Variants in GRIK3 observed in about 807,000 individuals in gnomAD.
GRIK3 encodes the protein glutamate ionotropic receptor kainate type subunit 3.
A neutral mutation model predicts 102.5 loss-of-function variants in GRIK3; 29 were observed. The observed-to-expected ratio is 0.28, with a 90% CI of 0.21 to 0.39. The LOEUF (loss-of-function observed/expected upper bound fraction) is 0.39. Among genes scored for constraint, GRIK3 ranks in the 10% least tolerant of loss-of-function variants. The pLI is 1.00. For synonymous variants in GRIK3, 511 were observed against 504.9 expected (o/e 1.01, Z -0.16); for missense variants, 908 against 1,252.4 (o/e 0.73, Z 4.15).
chr1:36,834,131 T>C (rs1044757871), intron 10 of GRIK3, among the ~76,000 whole-genome samples: 3 of 152,234 alleles, frequency 2.0e-5, no homozygotes. Flanking sequence ...CACTAGAATG[T>C]AGGATCTTGA....
chr1:36,846,008 G>A (rs896352837), intron 9 of GRIK3, among the ~76,000 whole-genome samples: 17 of 152,198 alleles, frequency 1.1e-4, no homozygotes, highest in African/African-American at 2.9e-4. Context: ...CCACACACCC[G>A]CACGCATGCC....
At chr1:36,971,528 C>T (rs1316401385) in intron 1 of GRIK3, among the ~76,000 whole-genome samples, 1 of 152,148 alleles carries the variant, frequency 6.6e-6, no homozygotes, top group African/African-American at 2.4e-5. Context: ...CAAGAGAATC[C>T]AGAGTCTAAG....
At chr1:36,991,339 A>C (rs913729884) in intron 1 of GRIK3, among the ~76,000 whole-genome samples, 7 of 152,110 alleles carry the variant, frequency 4.6e-5, no homozygotes, top group African/African-American at 1.4e-4. Context: ...TATGACCCTA[A>C]AGGGGCCACA....
At chr1:37,029,662 G>A (rs1642800159) in intron 1 of GRIK3, among the ~76,000 whole-genome samples, 2 of 152,250 alleles carry the variant, frequency 1.3e-5, no homozygotes, top group African/African-American at 4.8e-5. Flanking sequence ...GGGGGCATCT[G>A]TGCTTCCTCC....
At chr1:36,839,841 C>A (rs1478829303) in intron 10 of GRIK3, among the ~76,000 whole-genome samples, 6 of 152,184 alleles carry the variant, frequency 3.9e-5, no homozygotes, top group Non-Finnish European at 5.9e-5. Context: ...CTCCACTGGG[C>A]CAGGCTCCAG....
chr1:36,835,235 C>T (rs754866618), intron 10 of GRIK3, among the ~76,000 whole-genome samples: 1 of 152,226 alleles, frequency 6.6e-6, no homozygotes, highest in Non-Finnish European at 1.5e-5. Context: ...TCCAATCTGA[C>T]AGCATCTCAA....
At chr1:36,802,095 C>T in intron 15 of GRIK3, 50 bp from the exon 16 acceptor site, 1 of 1,371,414 alleles carries the variant, frequency 7.3e-7, no homozygotes, top group Non-Finnish European at 1.0e-6. Context: ...AGAGTGATGC[C>T]CGGTCTTGCA....
At chr1:37,009,909 G>C (rs912749199) in intron 1 of GRIK3, among the ~76,000 whole-genome samples, 1 of 152,120 alleles carries the variant, frequency 6.6e-6, no homozygotes, top group Admixed American at 6.5e-5. Context: ...GAGCTTGGAG[G>C]GGGTGGCCTA....
rs553239373 is a variant in GRIK3, at chr1:36,808,553, G to A, written c.2092-2227C>T. 5.3e-5 allele frequency among the ~76,000 whole-genome samples: 8 copies of A among 152,350 alleles called. No individual in the cohort carries two copies. In the South Asian group the frequency reaches 1.7e-3, roughly 32 times the overall value. On this transcript the variant is annotated intron_variant, in intron 13 of 15. Coordinates refer to ENST00000373091, the MANE Select transcript of GRIK3 (RefSeq NM_000831.4). ...GAGGGCAGCCTCTGGCCAGCTATCA[G>A]TGAAAAACTGAAGCCCTTAGTTCAG...
At chr1:36,990,642 T>C (rs570421053) in intron 1 of GRIK3, among the ~76,000 whole-genome samples, 1 of 152,266 alleles carries the variant, frequency 6.6e-6, no homozygotes, top group East Asian at 1.9e-4. Context: ...TAAAACTTAT[T>C]CTATTTCTGA....
At chr1:36,885,355 T>C (rs1210822786) in intron 2 of GRIK3, among the ~76,000 whole-genome samples, 1 of 152,054 alleles carries the variant, frequency 6.6e-6, no homozygotes, top group Non-Finnish European at 1.5e-5. Context: ...ATGATGAAGA[T>C]GTTGCTGTCA....
At chr1:37,028,572 G>C (rs1403591044) in intron 1 of GRIK3, among the ~76,000 whole-genome samples, 1 of 152,194 alleles carries the variant, frequency 6.6e-6, no homozygotes, top group Non-Finnish European at 1.5e-5. Flanking sequence ...GTAGAGCCCA[G>C]ATGGCCATCC....
chr1:36,847,813 CTG>C (rs1476375621), intron 9 of GRIK3, among the ~76,000 whole-genome samples: 1 of 152,226 alleles, frequency 6.6e-6, no homozygotes, highest in Non-Finnish European at 1.5e-5. Flanking sequence ...GATCATCAAA[CTG>C]TTCTTTCCTC....
chr1:37,002,735 G>C (rs987732624), intron 1 of GRIK3, among the ~76,000 whole-genome samples: 17 of 150,080 alleles, frequency 1.1e-4, no homozygotes, highest in Admixed American at 2.0e-4. Flanking sequence ...CTGGAGTGCA[G>C]GGACACAATC....
intron 3 of GRIK3, among the ~76,000 whole-genome samples, chr1:36,877,819 C>T (rs1465102136): frequency 6.6e-6 from 1 of 152,206 alleles, no homozygotes; most frequent in East Asian, 1.9e-4. Context: ...TCAGCTCAGA[C>T]CAGCCAAGGC....
At chr1:36,982,287 T>G (rs896847841) in intron 1 of GRIK3, among the ~76,000 whole-genome samples, 2 of 152,182 alleles carry the variant, frequency 1.3e-5, no homozygotes, top group African/African-American at 4.8e-5. Context: ...AAAGGTGCTG[T>G]GGCTGTGGTC....
rs113882175 is a variant in GRIK3 at position 36,888,096 on chromosome 1, C to T, written c.292+2824G>A. On this transcript the variant is annotated intron_variant, in intron 2 of 15. Transcript: ENST00000373091. ...GTGCATCACAAGACATCTACATGAA[C>T]GTCCACAGCAGGAATGCAGGTAATA... is the stretch of plus-strand genomic sequence containing the variant. Among the ~76,000 whole-genome samples, 292 of 152,134 alleles carry T rather than the reference C, an allele frequency of 1.9e-3. 3 individuals are homozygous for T. The Middle Eastern group carries it at 0.034, about 18-fold the overall frequency.
At chr1:36,908,778 G>GGGGTGTGTGT (rs1641312861) in intron 1 of GRIK3, among the ~76,000 whole-genome samples, 1 of 147,004 alleles carries the variant, frequency 6.8e-6, no homozygotes, top group African/African-American at 2.5e-5. Flanking sequence ...AATGGGATAG[G>GGGGTGTGTGT]GTGTGTGTGT....
chr1:36,859,462 C>A (rs1339047778), intron 6 of GRIK3, among the ~76,000 whole-genome samples: 3 of 152,194 alleles, frequency 2.0e-5, no homozygotes, highest in East Asian at 1.9e-4. Flanking sequence ...TGAGCACCCC[C>A]CTCTGCAGCT....
Sources: allele counts gnomAD v4.1 joint callset (sites outside exome capture counted in the v4.1 genomes callset), GRCh38; gene constraint gnomAD v4.1.1; transcripts MANE v1.5; gene names NCBI Gene and HGNC (gene_info 2026-07-23, HGNC 2026-07-21).